PECAM1: variants seen among roughly 807,000 people sequenced by gnomAD.
PECAM1 encodes platelet endothelial cell adhesion molecule.
Under a neutral mutation model 13.8 loss-of-function variants are expected in PECAM1, and 8 were observed. The ratio of observed to expected loss-of-function variants is 0.58; its 90% confidence interval spans 0.34 to 1.05. The LOEUF (loss-of-function observed/expected upper bound fraction) is 1.05, where lower values mean the gene tolerates loss of function less well. PECAM1 is among the 50% of genes least tolerant of loss of function. The pLI, the probability that PECAM1 is intolerant of heterozygous loss-of-function variation, is 0.03. For missense variants in PECAM1, 304 were observed against 141.2 expected (o/e 2.15, Z -5.84); for synonymous variants, 136 against 52.6 (o/e 2.58, Z -6.86).
At chr17:64,323,936 C>T in intron 15 of PECAM1, 91 bp from the exon 16 acceptor site, 1 of 790,154 alleles carries the variant, frequency 1.3e-6, no homozygotes, top group Non-Finnish European at 2.3e-6. Context: ...GACAGCACTT[C>T]TCAAAGAAAA....
At chr17:64,340,273 G>A (rs2035392382) in intron 14 of PECAM1, among the ~76,000 whole-genome samples, 1 of 152,156 alleles carries the variant, frequency 6.6e-6, no homozygotes, top group Non-Finnish European at 1.5e-5. Flanking sequence ...CTGGGCCCGA[G>A]ATTGCTGCTG....
chr17:64,358,342 C>G (rs2035894718), intron 7 of PECAM1, among the ~76,000 whole-genome samples: 1 of 152,074 alleles, frequency 6.6e-6, no homozygotes, highest in South Asian at 2.1e-4. Flanking sequence ...TAGTCTCAAA[C>G]TCCTGGGCTC....
chr17:64,339,618 C>CTG (rs2035374820), intron 14 of PECAM1, among the ~76,000 whole-genome samples: 1 of 151,878 alleles, frequency 6.6e-6, no homozygotes. Context: ...TAGAGAACGG[C>CTG]TGTTTATTGT....
intron 14 of PECAM1, among the ~76,000 whole-genome samples, chr17:64,335,309 G>A (rs1372157826): frequency 6.6e-6 from 1 of 152,002 alleles, no homozygotes; most frequent in Non-Finnish European, 1.5e-5. Flanking sequence ...GAGGCTGAGA[G>A]GGGAGGATGC....
Position 64,322,824 on chromosome 17 carries a change from T to C in PECAM1, c.*992A>G, listed in dbSNP as rs542598953. On this transcript the variant is annotated 3_prime_UTR_variant, in exon 16 of 16. Coordinates refer to ENST00000563924, the MANE Select transcript of PECAM1 (RefSeq NM_000442.5). ...TCCGTTTCCTGGGTTCAAGCGATAA[T>C]CTCACCTCAGCCTCTTGAGTAGCTG... is the stretch of plus-strand genomic sequence containing the variant. 39 of 432,662 alleles carry C rather than the reference T, an allele frequency of 9.0e-5. No homozygotes were observed. In the South Asian group the frequency reaches 3.9e-3, roughly 43 times the overall value. 26.8% of individuals were successfully genotyped at this position (432,662 alleles called of 1,614,324 possible). A position where few individuals can be genotyped will look rare whatever the true frequency, so the allele number is the denominator to read the frequency against.
chr17:64,347,795 A>G (rs1314948372), intron 13 of PECAM1, among the ~76,000 whole-genome samples: 2 of 149,046 alleles, frequency 1.3e-5, no homozygotes, highest in Admixed American at 6.8e-5. Flanking sequence ...CAGTGGCGCA[A>G]TCTCAGCTCA....
chr17:64,377,123 T>C (rs1251698248), intron 3 of PECAM1, among the ~76,000 whole-genome samples: 1 of 152,190 alleles, frequency 6.6e-6, no homozygotes, highest in Non-Finnish European at 1.5e-5. Context: ...GTGAGGATTT[T>C]GAAGTTTAGA....
chr17:64,331,508 G>T (rs1477653072), intron 14 of PECAM1, among the ~76,000 whole-genome samples: 1 of 152,174 alleles, frequency 6.6e-6, no homozygotes, highest in Non-Finnish European at 1.5e-5. Flanking sequence ...CTTGGCAGGC[G>T]CCATGCTGTG....
rs1426042265 is a variant in PECAM1, at chr17:64,320,150, G to A, written c.*3666C>T. ...GGCAAAGGCTGAAGCTGGCCTCTGT[G>A]GCAGAGGGTTTCTTCCCAACACGCC... is the stretch of plus-strand genomic sequence containing the variant. On this transcript the variant is annotated 3_prime_UTR_variant, in exon 16 of 16. Transcript: ENST00000563924. 2 of 152,220 alleles carry A rather than the reference G, an allele frequency of 1.3e-5. No individual in the cohort carries two copies. Among genetic ancestry groups the A allele is most frequent in the Non-Finnish European group, 2.9e-5 (2 of 68,078 alleles). 9.4% of individuals were successfully genotyped at this position (152,220 alleles called of 1,614,324 possible). A position where few individuals can be genotyped will look rare whatever the true frequency, so the allele number is the denominator to read the frequency against.
intron 6 of PECAM1, among the ~76,000 whole-genome samples, chr17:64,361,217 C>A (rs2035971042): frequency 6.7e-6 from 1 of 150,338 alleles, no homozygotes; most frequent in African/African-American, 2.5e-5. Flanking sequence ...GCAATCTCAG[C>A]TGACCACAAC....
chr17:64,335,874 T>G (rs2035263660), intron 14 of PECAM1, among the ~76,000 whole-genome samples: 3 of 152,158 alleles, frequency 2.0e-5, no homozygotes, highest in Admixed American at 2.0e-4. Flanking sequence ...AAAAGAAATC[T>G]GCAGTCTACA....
chr17:64,342,827 G>A (rs1358628566), intron 13 of PECAM1, among the ~76,000 whole-genome samples: 1 of 152,034 alleles, frequency 6.6e-6, no homozygotes, highest in African/African-American at 2.4e-5. Flanking sequence ...ATATACACAC[G>A]CACACTCATG....
intron 9 of PECAM1, among the ~76,000 whole-genome samples, chr17:64,353,753 C>G (rs1395673856): frequency 5.3e-5 from 8 of 152,052 alleles, no homozygotes; most frequent in Non-Finnish European, 1.0e-4. Context: ...TATATTCACT[C>G]TTTTACAAAA....
chr17:64,365,997 T>C (rs1343387034), intron 5 of PECAM1, among the ~76,000 whole-genome samples: 2 of 151,962 alleles, frequency 1.3e-5, no homozygotes, highest in Admixed American at 6.6e-5. Context: ...CTAAAGAGTT[T>C]CTGCACAGCA....
chr17:64,340,783 C>T (rs966258322), intron 14 of PECAM1, among the ~76,000 whole-genome samples: 13 of 152,024 alleles, frequency 8.6e-5, no homozygotes, highest in African/African-American at 3.1e-4. Context: ...ACACCCACTC[C>T]CAAAGTCAGT....
chr17:64,323,118 G>C lies in PECAM1; in HGVS notation c.*698C>G, dbSNP rs1255312738. On this transcript the variant is annotated 3_prime_UTR_variant, in exon 16 of 16. Coordinates refer to ENST00000563924, the MANE Select transcript of PECAM1 (RefSeq NM_000442.5). Reference sequence around the variant, plus strand: ...CTTCCTGTCTTTCAGCCTTCAGCATGGTAGAGGAAAAGAGAAAGAGTGTAG... The same window carrying C: ...CTTCCTGTCTTTCAGCCTTCAGCATCGTAGAGGAAAAGAGAAAGAGTGTAG... 2 of 984,874 alleles carry C rather than the reference G, an allele frequency of 2.0e-6. No individual in the cohort carries two copies. Among genetic ancestry groups the C allele is most frequent in the Non-Finnish European group, 2.4e-6 (2 of 829,506 alleles). The allele number at this position is 984,874 out of a possible 1,614,324, so 61.0% of individuals were successfully genotyped here.
chr17:64,374,419 G>A (rs893825221), intron 4 of PECAM1, among the ~76,000 whole-genome samples: 6 of 152,068 alleles, frequency 3.9e-5, no homozygotes, highest in Admixed American at 2.0e-4. Flanking sequence ...AACCTGGGAG[G>A]CGGAGGTTGC....
chr17:64,384,895 T>C (rs2036560450), intron 2 of PECAM1, among the ~76,000 whole-genome samples: 1 of 152,238 alleles, frequency 6.6e-6, no homozygotes, highest in African/African-American at 2.4e-5. Context: ...CTTGTTTTGA[T>C]AATATGGAAA....
Position 64,339,246 on chromosome 17 carries a change from G to A in PECAM1, c.2164+2388C>T, listed in dbSNP as rs986708778. Among the ~76,000 whole-genome samples, 1,156 of 152,150 alleles carry A rather than the reference G, an allele frequency of 7.6e-3. 9 individuals are homozygous for A. Among genetic ancestry groups the A allele is most frequent in the South Asian group, 0.016 (76 of 4,822 alleles). ...ACAGTACACCTCAGTGATCAAGAGCGTGGAGTCCACTCCGGGGAGGAACGA... is the reference window on the plus strand; with the variant it reads ...ACAGTACACCTCAGTGATCAAGAGCATGGAGTCCACTCCGGGGAGGAACGA... On this transcript the variant is annotated intron_variant, in intron 14 of 15. Transcript: ENST00000563924.
Sources: gnomAD v4.1 joint callset for allele counts (sites outside exome capture counted in the v4.1 genomes callset) on GRCh38, gnomAD v4.1.1 for gene constraint, MANE v1.5 for transcripts, NCBI Gene and HGNC (gene_info 2026-07-23, HGNC 2026-07-21) for gene names.